The following VWA8 variants were observed in gnomAD, a reference collection of about 807,000 sequenced individuals.
VWA8 encodes von Willebrand factor A domain containing 8.
VWA8 carries 221 observed loss-of-function variants against 241.5 expected under a neutral mutation model. That is an observed-to-expected ratio of 0.91 (90% CI 0.82 to 1.02). The LOEUF (loss-of-function observed/expected upper bound fraction) is 1.02, where lower values mean the gene tolerates loss of function less well. Among genes scored for constraint, VWA8 ranks in the 50% least tolerant of loss-of-function variants. The pLI is 0.00. For missense variants in VWA8, 2,322 were observed against 2,328.7 expected (o/e 1.00, Z 0.06); for synonymous variants, 852 against 827.1 (o/e 1.03, Z -0.52).
chr13:41,929,912 C>T (rs1877024751), intron 2 of VWA8, among the ~76,000 whole-genome samples: 1 of 152,000 alleles, frequency 6.6e-6, no homozygotes, highest in Non-Finnish European at 1.5e-5. Context: ...AAATCTTTTG[C>T]ACAGCATAGA....
chr13:41,874,416 G>C (rs1273972053), intron 9 of VWA8, among the ~76,000 whole-genome samples: 1 of 152,118 alleles, frequency 6.6e-6, no homozygotes, highest in African/African-American at 2.4e-5. Context: ...CAGATGACAT[G>C]ACTGTATATC....
intron 35 of VWA8, among the ~76,000 whole-genome samples, chr13:41,682,582 A>T (rs1195352048): frequency 6.6e-6 from 1 of 152,160 alleles, no homozygotes; most frequent in Non-Finnish European, 1.5e-5. Context: ...CCCTGTCTCT[A>T]CAAAAAAATA....
chr13:41,819,081 A>C (rs1870829386), intron 15 of VWA8, 137 bp downstream of exon 15: 1 of 827,436 alleles, frequency 1.2e-6, no homozygotes, highest in Non-Finnish European at 1.8e-6. Context: ...ACTGACCTTC[A>C]CCACTGTATG....
intron 40 of VWA8, among the ~76,000 whole-genome samples, chr13:41,596,914 CA>C (rs2044492363): frequency 6.6e-6 from 1 of 151,710 alleles, no homozygotes; most frequent in Admixed American, 6.6e-5. Flanking sequence ...CTTATGATTT[CA>C]GCACTGAAAT....
chr13:41,867,021 G>A (rs1308719699), intron 10 of VWA8, among the ~76,000 whole-genome samples: 1 of 152,186 alleles, frequency 6.6e-6, no homozygotes, highest in East Asian at 1.9e-4. Context: ...AGAATTCTAA[G>A]TTTGGAAGTG....
chr13:41,615,816 T>A (rs2044617290), intron 37 of VWA8, among the ~76,000 whole-genome samples: 1 of 152,108 alleles, frequency 6.6e-6, no homozygotes, highest in African/African-American at 2.4e-5. Flanking sequence ...CCAAAAGGAG[T>A]GACAACCACA....
chr13:41,727,514 A>G (rs939000141), intron 23 of VWA8, among the ~76,000 whole-genome samples: 2 of 152,188 alleles, frequency 1.3e-5, no homozygotes, highest in African/African-American at 2.4e-5. Flanking sequence ...TAAAGCATAT[A>G]CTAAATTGTA....
At chr13:41,693,009 GTTCTT>G (rs1278443999) in intron 29 of VWA8, 37 bp from the exon 30 acceptor site, 28 of 1,057,780 alleles carry the variant, frequency 2.6e-5, no homozygotes, top group Non-Finnish European at 3.5e-5. Flanking sequence ...CTCAAGATTT[GTTCTT>G]TTTTTTTTTT....
At chr13:41,720,280 T>C (rs528025121) in intron 25 of VWA8, among the ~76,000 whole-genome samples, 3 of 152,246 alleles carry the variant, frequency 2.0e-5, no homozygotes, top group African/African-American at 7.2e-5. Flanking sequence ...ACTGCTCATG[T>C]CCTCTGAGTC....
chr13:41,708,338 G>A (rs897837000), intron 26 of VWA8, among the ~76,000 whole-genome samples: 1 of 151,860 alleles, frequency 6.6e-6, no homozygotes, highest in African/African-American at 2.4e-5. Flanking sequence ...TCCAGCCTGG[G>A]AAACAAGAGC....
intron 41 of VWA8, among the ~76,000 whole-genome samples, chr13:41,587,902 T>C (rs1159627211): frequency 6.6e-6 from 1 of 152,242 alleles, no homozygotes; most frequent in Non-Finnish European, 1.5e-5. Context: ...GAAAATATTT[T>C]CCTTTGGAAT....
intron 21 of VWA8, among the ~76,000 whole-genome samples, chr13:41,739,857 G>GTT (rs368778376): frequency 6.2e-5 from 4 of 64,490 alleles, no homozygotes; most frequent in Non-Finnish European, 9.2e-5. Context: ...TGTTTTTTTT[G>GTT]TTTTTTTTTT....
At chr13:41,960,588 AG>A (rs1878564166) in intron 1 of VWA8, among the ~76,000 whole-genome samples, 1 of 152,226 alleles carries the variant, frequency 6.6e-6, no homozygotes, top group African/African-American at 2.4e-5. Flanking sequence ...CAGGGGAAGG[AG>A]AAATCACTCT....
intron 12 of VWA8, among the ~76,000 whole-genome samples, chr13:41,852,121 C>G (rs575894645): frequency 2.6e-5 from 4 of 152,316 alleles, no homozygotes; most frequent in Admixed American, 2.6e-4. Context: ...ATTAGCCACT[C>G]TAACAGGTGT....
Position 41,582,734 on chromosome 13 carries a change from A to G in VWA8, c.5271+4778T>C, listed in dbSNP as rs557212264. Among the ~76,000 whole-genome samples the G allele has an allele frequency of 1.2e-4, 13 of 110,432 alleles. No individual in the cohort carries two copies. The East Asian group carries it at 4.5e-3, about 38-fold the overall frequency. The allele number at this position is 110,432 out of a possible 152,430, so 72.4% of individuals were successfully genotyped here. On this transcript the variant is annotated intron_variant, in intron 42 of 44. Transcript: ENST00000379310. ...ATTCAGTTGAATATGATCATATAAC[A>G]TAATGATACAGAACAGAATGCATGG...
chr13:41,942,772 A>G (rs1160024851), intron 2 of VWA8, among the ~76,000 whole-genome samples: 1 of 152,212 alleles, frequency 6.6e-6, no homozygotes, highest in African/African-American at 2.4e-5. Context: ...GAGGTGACAG[A>G]GATTCCTCCT....
chr13:41,626,505 C>T (rs1356032967), intron 37 of VWA8, among the ~76,000 whole-genome samples: 1 of 152,166 alleles, frequency 6.6e-6, no homozygotes, highest in Non-Finnish European at 1.5e-5. Context: ...ATCACACTAC[C>T]TGACTCCAAA....
intron 2 of VWA8, among the ~76,000 whole-genome samples, chr13:41,941,785 A>G (rs1431712058): frequency 6.6e-6 from 1 of 152,250 alleles, no homozygotes; most frequent in Non-Finnish European, 1.5e-5. Context: ...TTTAATCATT[A>G]TAATATATCT....
chr13:41,859,003 T>G (rs1872884262), intron 12 of VWA8, among the ~76,000 whole-genome samples: 1 of 151,020 alleles, frequency 6.6e-6, no homozygotes, highest in Non-Finnish European at 1.5e-5. Context: ...CTCAAGAACA[T>G]ACGTTTGAAG....
Sources: allele counts gnomAD v4.1 joint callset (sites outside exome capture counted in the v4.1 genomes callset), GRCh38; gene constraint gnomAD v4.1.1; transcripts MANE v1.5; gene names NCBI Gene and HGNC (gene_info 2026-07-23, HGNC 2026-07-21).